ARAP2: variants seen among roughly 807,000 people sequenced by gnomAD.
ARAP2 encodes ArfGAP with RhoGAP domain, ankyrin repeat and PH domain 2, also known as arf-GAP with Rho-GAP domain, ANK repeat and PH domain-containing protein 2.
Under a neutral mutation model 194.5 loss-of-function variants are expected in ARAP2, and 148 were observed. The observed-to-expected ratio is 0.76, with a 90% confidence interval of 0.67 to 0.87. ARAP2 has a LOEUF of 0.87. ARAP2 is among the 40% of genes least tolerant of loss of function. The pLI is 0.00. For synonymous variants in ARAP2, 695 were observed against 683.5 expected (o/e 1.02, Z -0.26); for missense variants, 2,128 against 1,989.7 (o/e 1.07, Z -1.32).
intron 20 of ARAP2, among the ~76,000 whole-genome samples, chr4:36,132,212 C>T (rs544420458): frequency 2.8e-4 from 42 of 151,788 alleles, no homozygotes; most frequent in Non-Finnish European, 5.3e-4. Context: ...GAACTTTTTA[C>T]TTCCACCACT....
At chr4:36,238,260 TC>T (rs1241247907) in intron 1 of ARAP2, among the ~76,000 whole-genome samples, 4 of 152,312 alleles carry the variant, frequency 2.6e-5, no homozygotes. Flanking sequence ...AACACATCCA[TC>T]TTCTTTCATT....
In ARAP2 at chr4:36,107,653, C is replaced by T. The variant is rs763556531; in HGVS notation, c.4197G>A (p.Val1399=). The T allele has an allele frequency of 3.7e-6, 6 of 1,610,230 alleles. No individual in the cohort carries two copies. The African/African-American group carries it at 8.0e-5, about 22-fold the overall frequency. Residue 1399 remains valine, a synonymous_variant, in exon 27 of 33, where the codon GTG becomes GTA. Transcript: ENST00000303965. ...GTTCAGCTAATGAACTCCACCGAAG[C>T]ACCTGCTCCAGTACATTTTCCTTGT... ...LHYKENVLEQ[V]LRWSSLAEPG...
intron 26 of ARAP2, among the ~76,000 whole-genome samples, chr4:36,108,708 A>C (rs1411010595): frequency 6.6e-6 from 1 of 152,028 alleles, no homozygotes; most frequent in East Asian, 1.9e-4. Flanking sequence ...AATTACAATC[A>C]AAGTCTCACA....
chr4:36,065,441 C>A, downstream of ARAP2: 1 of 444,390 alleles, frequency 2.3e-6, no homozygotes, highest in South Asian at 1.7e-5. Flanking sequence ...CCACTCTTTG[C>A]CCAGTGTATT....
intron 5 of ARAP2, among the ~76,000 whole-genome samples, chr4:36,211,316 G>A (rs1746719632): frequency 6.6e-6 from 1 of 152,006 alleles, no homozygotes; most frequent in African/African-American, 2.4e-5. Context: ...AGCAAGAAAG[G>A]GTCAGTGTAC....
intron 2 of ARAP2, among the ~76,000 whole-genome samples, chr4:36,218,015 T>C (rs1240378353): frequency 6.6e-6 from 1 of 151,798 alleles, no homozygotes; most frequent in African/African-American, 2.4e-5. Flanking sequence ...AAAGGACCAA[T>C]AATGACAAAT....
At chr4:36,233,955 A>G (rs1001832251) in intron 1 of ARAP2, among the ~76,000 whole-genome samples, 1 of 152,236 alleles carries the variant, frequency 6.6e-6, no homozygotes, top group African/African-American at 2.4e-5. Flanking sequence ...GTTCAGACTG[A>G]TTTAACAAAA....
chr4:36,136,878 C>A (rs1363243730), intron 19 of ARAP2, among the ~76,000 whole-genome samples: 1 of 147,464 alleles, frequency 6.8e-6, no homozygotes, highest in Non-Finnish European at 1.5e-5. Context: ...ATTTCCTGAG[C>A]AACTTATTAC....
At position 36,228,721 on chromosome 4, in the gene ARAP2, C is replaced by T. The variant is rs747751456; in HGVS notation, c.766G>A (p.Asp256Asn). The change falls in exon 2 of 33, where the codon GAC becomes AAC. Residue 256 changes from aspartate to asparagine, a missense_variant. Physicochemically the swap from Asp to Asn is conservative, Grantham distance 23. Coordinates refer to ENST00000303965, the MANE Select transcript of ARAP2 (RefSeq NM_015230.4). The part of the protein sequence containing the change: ...FKFQGEMIVN[D>N]LYVPSSPILA... ...ATTGGTGATGATGGAACATACAAGT[C>T]ATTTACAATCATTTCTCCTTGAAAC... The T allele has an allele frequency of 1.1e-5, 17 of 1,614,038 alleles. No individual in the cohort carries two copies. The East Asian group carries it at 3.8e-4, about 36-fold the overall frequency.
intron 6 of ARAP2, among the ~76,000 whole-genome samples, chr4:36,203,723 G>A (rs1001452459): frequency 1.3e-5 from 2 of 151,960 alleles, no homozygotes; most frequent in Non-Finnish European, 2.9e-5. Context: ...TACCATGATC[G>A]TCTTACAAGA....
intron 30 of ARAP2, among the ~76,000 whole-genome samples, chr4:36,080,728 C>T (rs1729347893): frequency 6.6e-6 from 1 of 152,142 alleles, no homozygotes; most frequent in African/African-American, 2.4e-5. Flanking sequence ...CTAATACCCA[C>T]AGATTCATAA....
intron 5 of ARAP2, among the ~76,000 whole-genome samples, chr4:36,022,407 G>C (rs1717131655): frequency 6.6e-6 from 1 of 152,106 alleles, no homozygotes; most frequent in Admixed American, 6.6e-5. Context: ...ATAACGGCAG[G>C]ACTTGGCAGG....
intron 19 of ARAP2, among the ~76,000 whole-genome samples, chr4:36,143,181 C>T (rs1049380256): frequency 1.3e-5 from 2 of 151,770 alleles, no homozygotes; most frequent in Non-Finnish European, 2.9e-5. Flanking sequence ...TTCATAACCT[C>T]ACATTCTTGG....
At position 36,228,948 on chromosome 4, in the gene ARAP2, G is replaced by C. The variant is rs1410391767; in HGVS notation, c.539C>G (p.Ser180Ter). Reference sequence around the variant, plus strand: ...ATCCACAGTCTTCTTTGTAATCAATGATTCTATTTTAATATTGTCACTACC... The same window carrying C: ...ATCCACAGTCTTCTTTGTAATCAATCATTCTATTTTAATATTGTCACTACC... Reference protein sequence around the residue: ...LFGSDNIKIESLITKKTVDHT... With the variant: ...LFGSDNIKIE Residue 180 changes from serine to a stop codon, truncating the protein, a stop_gained, in exon 2 of 33, where the codon TCA (serine) becomes TGA (stop). Coordinates refer to ENST00000303965, the MANE Select transcript of ARAP2 (RefSeq NM_015230.4). LOFTEE classifies it high-confidence loss of function. 3.7e-6 allele frequency: 6 copies of C among 1,614,030 alleles called. No homozygotes were observed. Among genetic ancestry groups the C allele is most frequent in the Non-Finnish European group, 5.1e-6 (6 of 1,179,972 alleles).
chr4:36,128,403 A>G (rs1724478811), intron 21 of ARAP2, 130 bp downstream of exon 21: 3 of 657,654 alleles, frequency 4.6e-6, no homozygotes, highest in Non-Finnish European at 7.6e-6. Context: ...GTTTCTTTCA[A>G]TTAAAATTTC....
At chr4:36,182,773 C>T (rs976606283) in intron 8 of ARAP2, among the ~76,000 whole-genome samples, 6 of 152,102 alleles carry the variant, frequency 3.9e-5, no homozygotes, top group South Asian at 2.1e-4. Flanking sequence ...GCATACTTCA[C>T]GGCCTAAGCA....
At chr4:36,065,327 G>C (rs1048198591), downstream of ARAP2, 3 of 500,492 alleles carry the variant, frequency 6.0e-6, no homozygotes, top group Non-Finnish European at 1.2e-5. Context: ...ATGTCCCAAA[G>C]AGCTGGCTGT....
intron 5 of ARAP2, among the ~76,000 whole-genome samples, chr4:36,023,345 T>C (rs914943254): frequency 6.6e-6 from 1 of 152,114 alleles, no homozygotes; most frequent in Non-Finnish European, 1.5e-5. Flanking sequence ...TGTATAACAA[T>C]GAGGTTTTCC....
chr4:36,186,537 C>T (rs1168756401), intron 8 of ARAP2, among the ~76,000 whole-genome samples: 1 of 152,186 alleles, frequency 6.6e-6, no homozygotes. Flanking sequence ...AACCCAAGAC[C>T]ATGGACTGGT....
Sources: allele counts gnomAD v4.1 joint callset (sites outside exome capture counted in the v4.1 genomes callset), GRCh38; gene constraint gnomAD v4.1.1; transcripts MANE v1.5; gene names NCBI Gene and HGNC (gene_info 2026-07-23, HGNC 2026-07-21).